Variants in ZDHHC11B observed in about 807,000 individuals in gnomAD.
The protein encoded by ZDHHC11B is zDHHC palmitoyltransferase 11B (putative).
Under a neutral mutation model 42.3 loss-of-function variants are expected in ZDHHC11B, and 17 were observed. That is an observed-to-expected ratio of 0.40 (90% CI 0.27 to 0.60). The LOEUF is 0.60. Ranked by LOEUF, ZDHHC11B falls within the 20% of genes least tolerant of loss-of-function variation. ZDHHC11B has a pLI of 0.41. For synonymous variants in ZDHHC11B, 123 were observed against 193.5 expected (o/e 0.64, Z 3.02); for missense variants, 262 against 463.2 (o/e 0.57, Z 3.99).
At chr5:725,113 G>A (rs1579254903) in intron 12 of ZDHHC11B, among the ~76,000 whole-genome samples, 1 of 151,358 alleles carries the variant, frequency 6.6e-6, no homozygotes, top group African/African-American at 2.4e-5. Context: ...GTGGGACCCG[G>A]ATGACAGGAT....
chr5:754,164 C>T (rs1420831094), intron 6 of ZDHHC11B, among the ~76,000 whole-genome samples: 2 of 111,266 alleles, frequency 1.8e-5, no homozygotes, highest in African/African-American at 7.1e-5. Context: ...GAGCCTCCAC[C>T]ATGCTCAGGG....
At position 756,375 on chromosome 5, in the gene ZDHHC11B, C is replaced by T. The variant is rs1017937046; in HGVS notation, c.223-231G>A. Among the ~76,000 whole-genome samples the T allele has an allele frequency of 2.1e-4, 32 of 151,638 alleles. 1 individual carries two copies. The highest frequency in any genetic ancestry group is 1.6e-4 in the Non-Finnish European group (11 of 67,770). On this transcript the variant is annotated intron_variant, in intron 4 of 13. Coordinates refer to ENST00000508859, the MANE Select transcript of ZDHHC11B (RefSeq NM_001351303.2). ...CCCTTCACACACAGCCCTGCTCACC[C>T]AGCCCCGTCCACTCGGCCCTGCACA...
At chr5:776,145 G>T (rs1406833965) in intron 1 of ZDHHC11B, among the ~76,000 whole-genome samples, 1 of 150,978 alleles carries the variant, frequency 6.6e-6, no homozygotes, top group East Asian at 1.9e-4. Flanking sequence ...CCTGCCCAGA[G>T]TCCCTGGAGA....
intron 4 of ZDHHC11B, among the ~76,000 whole-genome samples, chr5:764,526 C>T (rs1454589205): frequency 5.9e-5 from 9 of 151,900 alleles, no homozygotes; most frequent in South Asian, 2.1e-4. Flanking sequence ...GTGGAGGGTG[C>T]GCCAGGTCCC....
chr5:741,336 T>C (rs186623178), intron 10 of ZDHHC11B, among the ~76,000 whole-genome samples: 1 of 149,460 alleles, frequency 6.7e-6, no homozygotes, highest in Non-Finnish European at 1.5e-5. Context: ...GGTCGTACTC[T>C]TGTGTGTTAG....
intron 10 of ZDHHC11B, among the ~76,000 whole-genome samples, chr5:738,748 A>T (rs1743810608): frequency 6.7e-6 from 1 of 149,858 alleles, no homozygotes; most frequent in Non-Finnish European, 1.5e-5. Context: ...CATGTGAAGA[A>T]TGAAGCTGGA....
intron 12 of ZDHHC11B, among the ~76,000 whole-genome samples, chr5:721,178 C>T (rs2126967016): frequency 6.6e-6 from 1 of 151,404 alleles, no homozygotes; most frequent in East Asian, 1.9e-4. Context: ...CCAGCATAAC[C>T]ACTAGGAAGA....
At chr5:720,772 G>A (rs1349272345) in intron 12 of ZDHHC11B, among the ~76,000 whole-genome samples, 1 of 151,548 alleles carries the variant, frequency 6.6e-6, no homozygotes, top group Non-Finnish European at 1.5e-5. Context: ...GCAATATAAA[G>A]GGTGAGGGAT....
chr5:763,182 A>G (rs2150208266), intron 4 of ZDHHC11B, among the ~76,000 whole-genome samples: 1 of 151,850 alleles, frequency 6.6e-6, no homozygotes, highest in South Asian at 2.1e-4. Flanking sequence ...AGACTGGCCA[A>G]TATGGTGAAA....
intron 6 of ZDHHC11B, among the ~76,000 whole-genome samples, chr5:752,450 T>C (rs1457614444): frequency 3.4e-5 from 3 of 88,928 alleles, no homozygotes; most frequent in African/African-American, 6.3e-5. Context: ...GAACACACTT[T>C]GACTAAACCA....
intron 4 of ZDHHC11B, among the ~76,000 whole-genome samples, chr5:759,765 T>C (rs1734347486): frequency 6.6e-6 from 1 of 151,784 alleles, no homozygotes; most frequent in African/African-American, 2.4e-5. Context: ...CAACACAGCA[T>C]CCCTTACCCT....
chr5:754,552 CCG>C (rs1746328295), intron 6 of ZDHHC11B, among the ~76,000 whole-genome samples: 1 of 129,386 alleles, frequency 7.7e-6, no homozygotes, highest in Non-Finnish European at 1.7e-5. Context: ...TGAGCCTCCA[CCG>C]TGCTCAGGGG....
At chr5:777,323 A>C (rs765552741) in intron 1 of ZDHHC11B, among the ~76,000 whole-genome samples, 3 of 151,696 alleles carry the variant, frequency 2.0e-5, no homozygotes, top group Non-Finnish European at 4.4e-5. Context: ...CTCAGTGGTG[A>C]GTGTTACTTA....
At chr5:754,111 CTA>C (rs1746175875) in intron 6 of ZDHHC11B, among the ~76,000 whole-genome samples, 1 of 130,334 alleles carries the variant, frequency 7.7e-6, no homozygotes, top group African/African-American at 2.5e-5. Flanking sequence ...CACGTCTCAT[CTA>C]TGAGTCTCCA....
At chr5:780,894 G>A (rs1170555109) in intron 1 of ZDHHC11B, among the ~76,000 whole-genome samples, 1 of 151,540 alleles carries the variant, frequency 6.6e-6, no homozygotes, top group East Asian at 2.0e-4. Flanking sequence ...GTGTGCGCAG[G>A]AGAGGGTGGA....
At chr5:774,935 G>C (rs1364772988) in intron 1 of ZDHHC11B, among the ~76,000 whole-genome samples, 1 of 152,014 alleles carries the variant, frequency 6.6e-6, no homozygotes, top group East Asian at 1.9e-4. Context: ...TGCTCTTCAC[G>C]TGGATGGCTG....
chr5:754,056 G>A (rs1746160970), intron 6 of ZDHHC11B, among the ~76,000 whole-genome samples: 2 of 133,002 alleles, frequency 1.5e-5, no homozygotes, highest in African/African-American at 5.0e-5. Flanking sequence ...CGTGCTCAGG[G>A]GAAACAACCT....
intron 12 of ZDHHC11B, among the ~76,000 whole-genome samples, chr5:729,479 C>T (rs1394071745): frequency 6.6e-6 from 1 of 150,944 alleles, no homozygotes; most frequent in African/African-American, 2.4e-5. Flanking sequence ...GGCAGGCAGG[C>T]TGGGGACTGA....
At chr5:725,986 G>T (rs1742576537) in intron 12 of ZDHHC11B, among the ~76,000 whole-genome samples, 2 of 149,582 alleles carry the variant, frequency 1.3e-5, no homozygotes, top group Admixed American at 1.3e-4. Context: ...AGGCGCTGGG[G>T]ATTAGGGTCT....
Sources: allele counts gnomAD v4.1 joint callset (sites outside exome capture counted in the v4.1 genomes callset), GRCh38; gene constraint gnomAD v4.1.1; transcripts MANE v1.5; gene names NCBI Gene and HGNC (gene_info 2026-07-23, HGNC 2026-07-21).